The following CAMK2D variants were observed in gnomAD, a reference collection of about 807,000 sequenced individuals.
The protein encoded by CAMK2D is calcium/calmodulin-dependent protein kinase type II subunit delta.
Under a neutral mutation model 84.0 loss-of-function variants are expected in CAMK2D, and 37 were observed. The observed-to-expected ratio is 0.44, with a 90% CI of 0.34 to 0.58. The LOEUF (loss-of-function observed/expected upper bound fraction) is 0.58, where lower values mean the gene tolerates loss of function less well. Among genes scored for constraint, CAMK2D ranks in the 20% least tolerant of loss-of-function variants. The pLI, the probability that CAMK2D is intolerant of heterozygous loss-of-function variation, is 0.02. For missense variants in CAMK2D, 448 were observed against 652.5 expected, an observed-to-expected ratio of 0.69 and a Z score of 3.41; for synonymous variants, 202 against 212.5, an observed-to-expected ratio of 0.95 and a Z score of 0.43.
intron 2 of CAMK2D, among the ~76,000 whole-genome samples, chr4:113,741,398 G>A (rs2099592506): frequency 6.6e-6 from 1 of 152,034 alleles, no homozygotes; most frequent in African/African-American, 2.4e-5. Flanking sequence ...TTTTATTATA[G>A]TATATTATTA....
intron 2 of CAMK2D, among the ~76,000 whole-genome samples, chr4:113,686,111 C>T (rs1288155523): frequency 2.0e-5 from 3 of 151,312 alleles, no homozygotes; most frequent in South Asian, 2.1e-4. Flanking sequence ...TGAATAAATG[C>T]CAAGTCACTA....
In CAMK2D at chr4:113,552,842, C is replaced by A. The variant is rs183029561; in HGVS notation, c.276-746G>T. Among the ~76,000 whole-genome samples the A allele has an allele frequency of 1.1e-4, 17 of 152,274 alleles. No individual in the cohort carries two copies. In the East Asian group the frequency reaches 2.7e-3, roughly 24 times the overall value. On this transcript the variant is annotated intron_variant, in intron 4 of 20. Transcript: ENST00000511664. Reference sequence around the variant, plus strand: ...ATTTTGTAGAGCAGACAGGGCAAATCACCTTCCAAAATGGTTGCACCCTGA... The same window carrying A: ...ATTTTGTAGAGCAGACAGGGCAAATAACCTTCCAAAATGGTTGCACCCTGA...
intron 4 of CAMK2D, among the ~76,000 whole-genome samples, chr4:113,600,424 T>A (rs1398519708): frequency 6.6e-6 from 1 of 152,148 alleles, no homozygotes; most frequent in East Asian, 1.9e-4. Flanking sequence ...ATGGAAACTT[T>A]CTGTATTTCC....
At chr4:113,599,891 AGAG>A (rs1301446328) in intron 4 of CAMK2D, among the ~76,000 whole-genome samples, 1 of 152,076 alleles carries the variant, frequency 6.6e-6, no homozygotes, top group African/African-American at 2.4e-5. Context: ...AGGAGGAGGA[AGAG>A]GAGGAGGAGG....
In CAMK2D at chr4:113,473,531, A is replaced by C. The variant is rs371441595; in HGVS notation, c.1136-7927T>G. Reference sequence around the variant, plus strand: ...CAAATATAAGACATGGCAATTACTAAATTTCTATTCACGAATGTTTACTGT... The same window carrying C: ...CAAATATAAGACATGGCAATTACTACATTTCTATTCACGAATGTTTACTGT... On this transcript the variant is annotated intron_variant, in intron 16 of 20. Transcript: ENST00000511664. Among the ~76,000 whole-genome samples, 28 of 152,302 alleles carry C rather than the reference A, an allele frequency of 1.8e-4. 1 individual carries two copies. The South Asian group carries it at 4.3e-3, about 24-fold the overall frequency.
intron 3 of CAMK2D, among the ~76,000 whole-genome samples, chr4:113,631,541 T>A (rs991887256): frequency 6.6e-6 from 1 of 152,148 alleles, no homozygotes; most frequent in African/African-American, 2.4e-5. Flanking sequence ...CCATTAGATG[T>A]AGGGCTTCTG....
chr4:113,714,002 C>T (rs2099504131), intron 2 of CAMK2D, among the ~76,000 whole-genome samples: 2 of 151,824 alleles, frequency 1.3e-5, no homozygotes, highest in South Asian at 4.1e-4. Flanking sequence ...TCCTTCATTA[C>T]CACTATATCA....
intron 2 of CAMK2D, among the ~76,000 whole-genome samples, chr4:113,732,857 T>C (rs897875014): frequency 3.9e-5 from 6 of 152,152 alleles, no homozygotes; most frequent in African/African-American, 1.4e-4. Context: ...TATCAAAATA[T>C]ATATATATTA....
At chr4:113,698,897 C>T (rs72895963) in intron 2 of CAMK2D, among the ~76,000 whole-genome samples, 1,828 of 152,082 alleles carry the variant, frequency 0.012, 39 homozygotes, top group African/African-American at 0.041. Flanking sequence ...AAATTAAGGA[C>T]GCCAGGGGTG....
intron 2 of CAMK2D, among the ~76,000 whole-genome samples, chr4:113,692,794 T>A (rs551457788): frequency 6.6e-6 from 1 of 151,868 alleles, no homozygotes; most frequent in African/African-American, 2.4e-5. Flanking sequence ...TGTGTGTGTA[T>A]CTATCTACCT....
Position 113,714,351 on chromosome 4 carries a change from G to A in CAMK2D, c.160+44969C>T, listed in dbSNP as rs148715491. On this transcript the variant is annotated intron_variant, in intron 2 of 20. Transcript: ENST00000511664. ...GGTATAACAATTACACTCCAATTCC[G>A]CTGCTTCTCACTCCATTCTTCTTCT... 2.6e-3 allele frequency among the ~76,000 whole-genome samples: 396 copies of A among 151,934 alleles called. 1 individual carries two copies. Among genetic ancestry groups the A allele is most frequent in the Non-Finnish European group, 4.5e-3 (304 of 67,912 alleles).
chr4:113,601,789 G>A (rs1163682090), intron 4 of CAMK2D, among the ~76,000 whole-genome samples: 1 of 138,692 alleles, frequency 7.2e-6, no homozygotes, highest in African/African-American at 2.8e-5. Context: ...TGGAACTTCT[G>A]GGCTCAAGTG....
At chr4:113,645,600 C>T (rs1978141) in intron 3 of CAMK2D, among the ~76,000 whole-genome samples, 31,486 of 151,928 alleles carry the variant, frequency 0.21, 5,792 homozygotes, top group African/African-American at 0.49. Context: ...AGTTTGATAA[C>T]TTCATTTGAA....
intron 3 of CAMK2D, among the ~76,000 whole-genome samples, chr4:113,635,730 G>A (rs1167597512): frequency 6.6e-6 from 1 of 152,194 alleles, no homozygotes; most frequent in African/African-American, 2.4e-5. Flanking sequence ...CCCTGCTTAT[G>A]CTTTCTAGTT....
chr4:113,692,670 A>G (rs2099391053), intron 2 of CAMK2D, among the ~76,000 whole-genome samples: 1 of 150,648 alleles, frequency 6.6e-6, no homozygotes, highest in African/African-American at 2.4e-5. Flanking sequence ...ATATATTCAT[A>G]CATACATACT....
At chr4:113,681,607 A>G (rs1405724858) in intron 2 of CAMK2D, among the ~76,000 whole-genome samples, 1 of 152,220 alleles carries the variant, frequency 6.6e-6, no homozygotes. Flanking sequence ...TGACATGGCC[A>G]GTCCCAAGAA....
At chr4:113,754,087 T>C (rs1438793656) in intron 2 of CAMK2D, 5 of 871,408 alleles carry the variant, frequency 5.7e-6, no homozygotes, top group African/African-American at 1.8e-5. Flanking sequence ...ATAAAGTGAT[T>C]TGAAATATAA....
At chr4:113,500,587 C>T in intron 15 of CAMK2D, 76 bp from the exon 16 acceptor site, 2 of 883,140 alleles carry the variant, frequency 2.3e-6, no homozygotes, top group African/African-American at 1.7e-5. Flanking sequence ...TGGCTAGTGA[C>T]ATACATATCA....
chr4:113,685,189 T>C (rs1300699134), intron 2 of CAMK2D, among the ~76,000 whole-genome samples: 1 of 151,950 alleles, frequency 6.6e-6, no homozygotes, highest in Admixed American at 6.6e-5. Flanking sequence ...GAATGCTTGA[T>C]ACCACCTTAT....
Sources: gnomAD v4.1 joint callset for allele counts (sites outside exome capture counted in the v4.1 genomes callset) on GRCh38, gnomAD v4.1.1 for gene constraint, MANE v1.5 for transcripts, NCBI Gene and HGNC (gene_info 2026-07-23, HGNC 2026-07-21) for gene names.